The following COX16 variants were observed in gnomAD, a reference collection of about 807,000 sequenced individuals.
The protein encoded by COX16 is cytochrome c oxidase assembly protein COX16 homolog, mitochondrial.
A neutral mutation model predicts 15.4 loss-of-function variants in COX16; 12 were observed. The ratio of observed to expected loss-of-function variants is 0.78; its 90% CI spans 0.50 to 1.26. The LOEUF is 1.26. Ranked by LOEUF, COX16 falls within the 50% of genes most tolerant of loss-of-function variation. The probability of loss-of-function intolerance (pLI) is 0.00; values close to 1 mark genes in which losing one functional copy is unlikely to be tolerated. For synonymous variants in COX16, 46 were observed against 41.1 expected, an observed-to-expected ratio of 1.12 and a Z score of -0.46; for missense variants, 124 against 127.6, an observed-to-expected ratio of 0.97 and a Z score of 0.14.
chr14:70,352,124 CATTT>C (rs1886972831), intron 1 of COX16, among the ~76,000 whole-genome samples: 1 of 152,070 alleles, frequency 6.6e-6, no homozygotes. Context: ...GTGAAGATGT[CATTT>C]ATTTGACCCA....
At chr14:70,359,452 C>T in intron 1 of COX16, 67 bp downstream of exon 1, 1 of 1,404,258 alleles carries the variant, frequency 7.1e-7, no homozygotes, top group Non-Finnish European at 1.0e-6. Context: ...AGATTCCCTC[C>T]CAGGTCTTGA....
chr14:70,337,935 A>G (rs1326571289), intron 2 of COX16, among the ~76,000 whole-genome samples: 2 of 152,210 alleles, frequency 1.3e-5, no homozygotes, highest in Non-Finnish European at 2.9e-5. Context: ...GGAAAACAAA[A>G]CATTGAAAAA....
Position 70,329,290 on chromosome 14 carries a change from A to G in COX16, c.142-54T>C, listed in dbSNP as rs554515682. The G allele has an allele frequency of 3.3e-6, 5 of 1,518,114 alleles. No homozygotes were observed. In the African/African-American group the frequency reaches 5.6e-5, roughly 17 times the overall value. The allele number at this position is 1,518,114 out of a possible 1,614,324, so 94.0% of individuals were successfully genotyped here. On this transcript the variant is annotated intron_variant, in intron 2 of 3. Transcript: ENST00000389912. ...TATCTAAGTCTGTTTGTTAGACTCA[A>G]TTTTCAATTTTAAGTTATAGAAGAG...
At chr14:70,328,142 C>T (rs144263002) in intron 3 of COX16, 5 of 125,382 alleles carry the variant, frequency 4.0e-5, no homozygotes, top group East Asian at 5.2e-4. Flanking sequence ...TGCAGTGGCG[C>T]GATAAGATTT....
At chr14:70,347,107 G>C (rs1886806901) in intron 1 of COX16, among the ~76,000 whole-genome samples, 1 of 151,952 alleles carries the variant, frequency 6.6e-6, no homozygotes, top group South Asian at 2.1e-4. Flanking sequence ...AGTCCACCCA[G>C]TTCCTATCAC....
intron 2 of COX16, among the ~76,000 whole-genome samples, chr14:70,333,054 A>G (rs1038404069): frequency 6.6e-6 from 1 of 152,202 alleles, no homozygotes; most frequent in African/African-American, 2.4e-5. Flanking sequence ...GGCTCAGGGA[A>G]GACAACAGTC....
chr14:70,357,167 A>C (rs1282055835), intron 1 of COX16, among the ~76,000 whole-genome samples: 13 of 143,762 alleles, frequency 9.0e-5, no homozygotes, highest in Middle Eastern at 3.6e-3. Flanking sequence ...TCAAAAAAAA[A>C]AAAAAAAAAA....
At chr14:70,348,796 C>T (rs1886857942) in intron 1 of COX16, among the ~76,000 whole-genome samples, 1 of 152,208 alleles carries the variant, frequency 6.6e-6, no homozygotes, top group Non-Finnish European at 1.5e-5. Flanking sequence ...GCTCTCTTAC[C>T]AGCAAGCTCC....
At chr14:70,329,068 A>G (rs1478964798) in intron 3 of COX16, 106 bp downstream of exon 3, 2 of 969,572 alleles carry the variant, frequency 2.1e-6, no homozygotes, top group Non-Finnish European at 2.9e-6. Flanking sequence ...TTTATCAAAT[A>G]CCATATATAT....
intron 1 of COX16, among the ~76,000 whole-genome samples, chr14:70,346,555 T>A (rs577632332): frequency 2.6e-5 from 4 of 152,216 alleles, no homozygotes; most frequent in South Asian, 4.2e-4. Flanking sequence ...GGCCAAAACC[T>A]CCTACTTGGA....
intron 1 of COX16, among the ~76,000 whole-genome samples, chr14:70,349,851 C>T (rs1886893295): frequency 6.6e-6 from 1 of 152,168 alleles, no homozygotes; most frequent in Non-Finnish European, 1.5e-5. Context: ...GAGGCCATGC[C>T]TCTCCCTGTC....
intron 2 of COX16, among the ~76,000 whole-genome samples, chr14:70,335,513 A>G (rs1332491569): frequency 6.6e-6 from 1 of 152,134 alleles, no homozygotes; most frequent in African/African-American, 2.4e-5. Flanking sequence ...ACCAAAACAG[A>G]ATAAAAATAG....
At chr14:70,333,832 A>G (rs565696992) in intron 2 of COX16, among the ~76,000 whole-genome samples, 15 of 152,354 alleles carry the variant, frequency 9.8e-5, no homozygotes, top group African/African-American at 3.4e-4. Context: ...GCTAAGAGCA[A>G]TAAGAGAAGT....
At chr14:70,348,349 C>T (rs756920817) in intron 1 of COX16, among the ~76,000 whole-genome samples, 2 of 152,204 alleles carry the variant, frequency 1.3e-5, no homozygotes, top group African/African-American at 2.4e-5. Context: ...CCCAAATCAC[C>T]GTGCTAACCA....
In COX16 at chr14:70,349,264, CA is replaced by C. The variant is rs1886872329; in HGVS notation, c.70-6536del. Among the ~76,000 whole-genome samples the C allele has an allele frequency of 2.6e-5, 4 of 152,212 alleles. No homozygotes were observed. In the South Asian group the frequency reaches 8.3e-4, roughly 32 times the overall value. On this transcript the variant is annotated intron_variant, in intron 1 of 3. Transcript: ENST00000389912. ...CCGGCCACCGCCTTTTCCTACCCACCAAGCCCGGGGCCAGATACCCAGGCAC... is the reference window on the plus strand; with the variant it reads ...CCGGCCACCGCCTTTTCCTACCCACCAGCCCGGGGCCAGATACCCAGGCAC...
In COX16 at chr14:70,329,364, C is replaced by T. The variant is rs540279142; in HGVS notation, c.142-128G>A. 34 of 650,834 alleles carry T rather than the reference C, an allele frequency of 5.2e-5. No individual in the cohort carries two copies. In the South Asian group the frequency reaches 6.4e-4, roughly 12 times the overall value. The allele number at this position is 650,834 out of a possible 1,614,324, so 40.3% of individuals were successfully genotyped here. ...TACAAACACATGGCAAAATCTCCACCATCTACTCTGATCACATAATGATAA... is the reference window on the plus strand; with the variant it reads ...TACAAACACATGGCAAAATCTCCACTATCTACTCTGATCACATAATGATAA... On this transcript the variant is annotated intron_variant, in intron 2 of 3. Coordinates refer to ENST00000389912, the MANE Select transcript of COX16 (RefSeq NM_016468.7).
rs559205551 is a variant in COX16 at position 70,359,131 on chromosome 14, T to C, written c.69+388A>G. Reference sequence around the variant, plus strand: ...ACAGTATCGTCAAAACATAGCTAAGTTGGGGGCGAGGAAGCAAGCTTAGTA... The same window carrying C: ...ACAGTATCGTCAAAACATAGCTAAGCTGGGGGCGAGGAAGCAAGCTTAGTA... On this transcript the variant is annotated intron_variant, in intron 1 of 3. Transcript: ENST00000389912. 137 of 457,606 alleles carry C rather than the reference T, an allele frequency of 3.0e-4. 1 individual carries two copies. The highest frequency in any genetic ancestry group is 9.9e-4 in the Admixed American group (42 of 42,536). The allele number at this position is 457,606 out of a possible 1,614,324, so 28.3% of individuals were successfully genotyped here.
At position 70,343,721 on chromosome 14, in the gene COX16, T is replaced by C. The variant is rs540752844; in HGVS notation, c.70-992A>G. On this transcript the variant is annotated intron_variant, in intron 1 of 3. Transcript: ENST00000389912. ...TACAGAATCACTTTCATGTTTTTGC[T>C]GGCACCTATTTGAGGCACAGTATTT... Among the ~76,000 whole-genome samples, 112 of 152,362 alleles carry C rather than the reference T, an allele frequency of 7.4e-4. 1 individual carries two copies. The highest frequency in any genetic ancestry group is 2.6e-3 in the African/African-American group (107 of 41,578).
At chr14:70,346,746 C>T (rs1395938615) in intron 1 of COX16, among the ~76,000 whole-genome samples, 2 of 152,084 alleles carry the variant, frequency 1.3e-5, no homozygotes, top group East Asian at 3.8e-4. Flanking sequence ...ACCCAGTCCT[C>T]CCTTTTCTCC....
Sources: allele counts gnomAD v4.1 joint callset (sites outside exome capture counted in the v4.1 genomes callset), GRCh38; gene constraint gnomAD v4.1.1; transcripts MANE v1.5; gene names NCBI Gene and HGNC (gene_info 2026-07-23, HGNC 2026-07-21).